OTOGL: variants seen among roughly 807,000 people sequenced by gnomAD.
OTOGL encodes otogelin-like protein.
In OTOGL, 285 loss-of-function variants were observed where a neutral mutation model predicts 318.5. The ratio of observed to expected loss-of-function variants is 0.89; its 90% confidence interval spans 0.81 to 0.99. The LOEUF (loss-of-function observed/expected upper bound fraction) is 0.99, where lower values mean the gene tolerates loss of function less well. OTOGL is among the 50% of genes least tolerant of loss of function. The probability of loss-of-function intolerance (pLI) is 0.00; values close to 1 mark genes in which losing one functional copy is unlikely to be tolerated. For synonymous variants in OTOGL, 987 were observed against 936.5 expected, an observed-to-expected ratio of 1.05 and a Z score of -0.99; for missense variants, 2,899 against 2,845.6, an observed-to-expected ratio of 1.02 and a Z score of -0.43.
intron 7 of OTOGL, among the ~76,000 whole-genome samples, chr12:80,225,866 T>A (rs1878791973): frequency 1.3e-5 from 2 of 152,090 alleles, no homozygotes; most frequent in Non-Finnish European, 2.9e-5. Context: ...TCCTTATCTA[T>A]ACCCCCGACT....
chr12:80,165,244 G>A (rs2137202564), intron 1 of OTOGL, among the ~76,000 whole-genome samples: 1 of 152,290 alleles, frequency 6.6e-6, no homozygotes, highest in African/African-American at 2.4e-5. Flanking sequence ...TAAAGAGATT[G>A]AAATGACATG....
intron 1 of OTOGL, among the ~76,000 whole-genome samples, chr12:80,127,367 G>A (rs937070119): frequency 1.3e-5 from 2 of 152,062 alleles, no homozygotes; most frequent in African/African-American, 4.8e-5. Context: ...TTGAATATTG[G>A]CCCCCACTCT....
chr12:80,369,982 ATGAAATGGTTATTATATTTAAATATTTCT>A (rs1890779099), intron 55 of OTOGL, among the ~76,000 whole-genome samples: 1 of 152,070 alleles, frequency 6.6e-6, no homozygotes, highest in Non-Finnish European at 1.5e-5. Flanking sequence ...GAAATCAGGA[ATGAAATGGTTATTATATTTAAATATTTCT>A]TGAAAGAATA....
chr12:80,195,650 C>A (rs562689905), intron 1 of OTOGL, among the ~76,000 whole-genome samples: 2 of 152,208 alleles, frequency 1.3e-5, no homozygotes, highest in Non-Finnish European at 1.5e-5. Context: ...GTCTGTGGGG[C>A]CCACTCAAGT....
intron 1 of OTOGL, among the ~76,000 whole-genome samples, chr12:80,144,698 C>T (rs1161373521): frequency 6.6e-6 from 1 of 151,888 alleles, no homozygotes; most frequent in Non-Finnish European, 1.5e-5. Flanking sequence ...CCTATTTCTC[C>T]ACATCCTCTC....
At chr12:80,302,038 A>T (rs1021127763) in intron 27 of OTOGL, among the ~76,000 whole-genome samples, 1 of 150,444 alleles carries the variant, frequency 6.6e-6, no homozygotes. Context: ...GCAGCATACA[A>T]TTTTTTTTTT....
chr12:80,147,481 G>A (rs1034401083), intron 1 of OTOGL, among the ~76,000 whole-genome samples: 2 of 150,972 alleles, frequency 1.3e-5, no homozygotes, highest in South Asian at 4.2e-4. Flanking sequence ...CCAAGTATGT[G>A]GTCAATTTTG....
rs547968824 is a variant in OTOGL, at chr12:80,149,933, A to G, written c.-20+50328A>G. ...CGGCTCATGCACGGTGCGCGCACCC[A>G]CTGACCTGCGCCCACTGTCTGGCAC... On this transcript the variant is annotated intron_variant, in intron 1 of 58. Transcript: ENST00000547103. 4.9e-3 allele frequency among the ~76,000 whole-genome samples: 744 copies of G among 152,278 alleles called. 12 individuals are homozygous for G. Among genetic ancestry groups the G allele is most frequent in the Non-Finnish European group, 3.9e-3 (263 of 68,004 alleles).
chr12:80,161,364 C>G (rs1452297145), intron 1 of OTOGL, among the ~76,000 whole-genome samples: 2 of 151,926 alleles, frequency 1.3e-5, no homozygotes, highest in Non-Finnish European at 2.9e-5. Flanking sequence ...TAAAAAATTA[C>G]CTAATGTTGA....
chr12:80,135,255 C>CTCCCA (rs1356478665), intron 1 of OTOGL, among the ~76,000 whole-genome samples: 1 of 98,280 alleles, frequency 1.0e-5, no homozygotes, highest in Admixed American at 1.0e-4. Context: ...AGCCCCTCCC[C>CTCCCA]TCCCCTCCCC....
intron 11 of OTOGL, among the ~76,000 whole-genome samples, chr12:80,251,331 T>C (rs1881525219): frequency 6.6e-6 from 1 of 152,212 alleles, no homozygotes; most frequent in Admixed American, 6.5e-5. Context: ...TATTAAATTC[T>C]AAAAGGCCTG....
chr12:80,266,973 A>T (rs913063583), intron 21 of OTOGL, among the ~76,000 whole-genome samples: 1 of 152,146 alleles, frequency 6.6e-6, no homozygotes, highest in African/African-American at 2.4e-5. Flanking sequence ...TAAATGATAT[A>T]TCAGTTATGT....
chr12:80,253,676 C>T (rs1881775632), intron 14 of OTOGL, 102 bp downstream of exon 14: 1 of 883,234 alleles, frequency 1.1e-6, no homozygotes, highest in Non-Finnish European at 1.7e-6. Flanking sequence ...TAATTTACTT[C>T]CCAAATTCCA....
intron 1 of OTOGL, among the ~76,000 whole-genome samples, chr12:80,183,129 T>G (rs183764016): frequency 2.0e-5 from 3 of 152,330 alleles, no homozygotes; most frequent in Admixed American, 1.3e-4. Flanking sequence ...AACAGTCAAG[T>G]GTAGGGACTG....
At chr12:80,115,364 G>A (rs935000447) in intron 1 of OTOGL, among the ~76,000 whole-genome samples, 1 of 152,062 alleles carries the variant, frequency 6.6e-6, no homozygotes, top group Admixed American at 6.6e-5. Flanking sequence ...TCTTCTGCAG[G>A]TCTGCTGGAG....
chr12:80,135,568 T>C (rs1448662913), intron 1 of OTOGL, among the ~76,000 whole-genome samples: 1 of 152,140 alleles, frequency 6.6e-6, no homozygotes, highest in Admixed American at 6.5e-5. Flanking sequence ...CCATCATGCC[T>C]GGCCTATCGA....
intron 1 of OTOGL, among the ~76,000 whole-genome samples, chr12:80,147,475 G>T (rs1016833574): frequency 5.3e-5 from 8 of 151,036 alleles, no homozygotes; most frequent in Non-Finnish European, 8.8e-5. Context: ...TTACTTCCAA[G>T]TATGTGGTCA....
At chr12:80,194,118 T>A (rs986776318) in intron 1 of OTOGL, among the ~76,000 whole-genome samples, 1 of 152,088 alleles carries the variant, frequency 6.6e-6, no homozygotes, top group Admixed American at 6.5e-5. Context: ...AGCCGAGGGG[T>A]CCCTAGATAC....
At chr12:80,323,961 A>G (rs1887519703) in intron 35 of OTOGL, 121 bp downstream of exon 35, 1 of 718,950 alleles carries the variant, frequency 1.4e-6, no homozygotes, top group African/African-American at 1.8e-5. Flanking sequence ...ATATTCTTTC[A>G]TGATATTAAT....
Sources: allele counts gnomAD v4.1 joint callset (sites outside exome capture counted in the v4.1 genomes callset), GRCh38; gene constraint gnomAD v4.1.1; transcripts MANE v1.5; gene names NCBI Gene and HGNC (gene_info 2026-07-23, HGNC 2026-07-21).